The following TUT4 variants were observed in gnomAD, a reference collection of about 807,000 sequenced individuals.
TUT4 encodes terminal uridylyltransferase 4.
In TUT4, 36 loss-of-function variants were observed where a neutral mutation model predicts 192.2. The observed-to-expected ratio is 0.19, with a 90% CI of 0.14 to 0.25. The LOEUF (loss-of-function observed/expected upper bound fraction) is 0.25. TUT4 is among the 10% of genes least tolerant of loss of function. TUT4 has a pLI of 1.00. For missense variants in TUT4, 1,493 were observed against 1,957.2 expected (o/e 0.76, Z 4.47); for synonymous variants, 618 against 666.0 (o/e 0.93, Z 1.11).
intron 9 of TUT4, among the ~76,000 whole-genome samples, chr1:52,482,356 A>G (rs1668694880): frequency 6.6e-6 from 1 of 152,194 alleles, no homozygotes; most frequent in Non-Finnish European, 1.5e-5. Context: ...CCAAAATAGT[A>G]TATTATAGAC....
intron 12 of TUT4, among the ~76,000 whole-genome samples, chr1:52,476,875 CA>C (rs1213077591): frequency 6.6e-6 from 1 of 152,134 alleles, no homozygotes; most frequent in African/African-American, 2.4e-5. Flanking sequence ...TTCTTATCTA[CA>C]AAAGGTAAGT....
At chr1:52,446,878 G>A (rs751841106) in intron 20 of TUT4, among the ~76,000 whole-genome samples, 11 of 152,110 alleles carry the variant, frequency 7.2e-5, no homozygotes, top group Non-Finnish European at 1.3e-4. Flanking sequence ...TGTCTTTTAA[G>A]AGCATTAAAC....
chr1:52,495,909 T>C (rs571806381), intron 5 of TUT4, among the ~76,000 whole-genome samples: 1 of 152,108 alleles, frequency 6.6e-6, no homozygotes, highest in Admixed American at 6.5e-5. Flanking sequence ...GGGGAAAGGA[T>C]CATAAACATT....
intron 4 of TUT4, among the ~76,000 whole-genome samples, chr1:52,497,543 A>G (rs147254441): frequency 6.6e-6 from 1 of 152,360 alleles, no homozygotes; most frequent in African/African-American, 2.4e-5. Flanking sequence ...AAAAGTCTTG[A>G]ATCCTATCTA....
intron 2 of TUT4, among the ~76,000 whole-genome samples, chr1:52,520,166 T>G (rs1353991320): frequency 6.6e-6 from 1 of 152,144 alleles, no homozygotes; most frequent in Non-Finnish European, 1.5e-5. Flanking sequence ...ACTATGCGGA[T>G]GGAGCAGAGA....
rs191481994 is a variant in TUT4 at position 52,534,550 on chromosome 1, A to T, written c.-93-8177T>A. On this transcript the variant is annotated intron_variant, in intron 1 of 29. Coordinates refer to ENST00000257177, the MANE Select transcript of TUT4 (RefSeq NM_001009881.3). The stretch of plus-strand genomic sequence containing the variant: ...TTGTATCTTCACACCTCATTTAGTT[A>T]GGTATAAAATTCTAGGTTAGGGCCA... Among the ~76,000 whole-genome samples, 14 of 152,148 alleles carry T rather than the reference A, an allele frequency of 9.2e-5. No homozygotes were observed. In the East Asian group the frequency reaches 2.5e-3, roughly 27 times the overall value.
At chr1:52,465,731 C>T (rs951263362) in intron 15 of TUT4, among the ~76,000 whole-genome samples, 8 of 152,158 alleles carry the variant, frequency 5.3e-5, no homozygotes, top group African/African-American at 1.7e-4. Context: ...CCTTAGTATA[C>T]GATGCTCTTC....
At chr1:52,502,917 C>G (rs1411848798) in intron 4 of TUT4, among the ~76,000 whole-genome samples, 1 of 152,162 alleles carries the variant, frequency 6.6e-6, no homozygotes, top group Admixed American at 6.5e-5. Context: ...AGCCACCAAG[C>G]CTGGCACATT....
chr1:52,552,458 G>GT (rs1689714265), intron 1 of TUT4, among the ~76,000 whole-genome samples: 2 of 152,188 alleles, frequency 1.3e-5, no homozygotes, highest in African/African-American at 4.8e-5. Context: ...GAAACATTCA[G>GT]TATGTATTAT....
Position 52,446,092 on chromosome 1 carries a change from A to G in TUT4, c.3692-88T>C, listed in dbSNP as rs774752717. The G allele has an allele frequency of 7.5e-5, 101 of 1,344,478 alleles. 1 individual carries two copies. The South Asian group carries it at 1.3e-3, about 17-fold the overall frequency. 83.3% of individuals were successfully genotyped at this position (1,344,478 alleles called of 1,614,324 possible). On this transcript the variant is annotated intron_variant, in intron 22 of 29. Coordinates refer to ENST00000257177, the MANE Select transcript of TUT4 (RefSeq NM_001009881.3). ...AAGTCACCGCTGAAGTCTAATACTT[A>G]TATGTACTCAGACTATACAAATCAG...
intron 24 of TUT4, among the ~76,000 whole-genome samples, chr1:52,443,779 A>G (rs1296174998): frequency 1.3e-5 from 2 of 151,866 alleles, no homozygotes; most frequent in Non-Finnish European, 2.9e-5. Context: ...ACAAAAATAA[A>G]CAAAAAGGTC....
chr1:52,458,414 T>C lies in TUT4; in HGVS notation c.3357A>G (p.Leu1119=), dbSNP rs139195152. Residue 1119 remains leucine (L), a synonymous_variant, in exon 20 of 30, where the codon TTA becomes TTG. Transcript: ENST00000257177. ...CCATAAGGATATATGCATATGAAGATAAACTTCCCCTGGAAGCATCCCCAA... is the reference window on the plus strand; with the variant it reads ...CCATAAGGATATATGCATATGAAGACAAACTTCCCCTGGAAGCATCCCCAA... The part of the protein sequence containing the change: ...CDIGDASRGS[L]SSYAYILMVL... The C allele has an allele frequency of 2.5e-4, 400 of 1,613,606 alleles. No individual in the cohort carries two copies. The African/African-American group carries it at 4.8e-3, about 19-fold the overall frequency.
chr1:52,469,464 T>C (rs1007226205), intron 14 of TUT4, among the ~76,000 whole-genome samples: 3 of 152,148 alleles, frequency 2.0e-5, no homozygotes, highest in African/African-American at 7.2e-5. Context: ...AATGGAACAA[T>C]TTAAAAAATG....
chr1:52,526,724 A>T (rs1681862684), intron 1 of TUT4, among the ~76,000 whole-genome samples: 2 of 152,196 alleles, frequency 1.3e-5, no homozygotes, highest in African/African-American at 4.8e-5. Context: ...AATAAAGAAA[A>T]CACAAGAATT....
chr1:52,468,082 ACTT>A, intron 15 of TUT4, 96 bp downstream of exon 15: 1 of 871,694 alleles, frequency 1.1e-6, no homozygotes, highest in Non-Finnish European at 1.8e-6. Context: ...CTAGAACAGT[ACTT>A]AACACATAGC....
chr1:52,486,752 T>C (rs972194687), intron 9 of TUT4, among the ~76,000 whole-genome samples: 3 of 152,246 alleles, frequency 2.0e-5, no homozygotes, highest in African/African-American at 4.8e-5. Flanking sequence ...TCAGTGTCCA[T>C]TGACTGGCAT....
chr1:52,478,969 A>T (rs1409891295), intron 11 of TUT4, among the ~76,000 whole-genome samples: 1 of 152,214 alleles, frequency 6.6e-6, no homozygotes, highest in African/African-American at 2.4e-5. Flanking sequence ...TAAATTACAT[A>T]GTAACTTAAA....
At chr1:52,534,966 T>C (rs1684507258) in intron 1 of TUT4, 1 of 152,240 alleles carries the variant, frequency 6.6e-6, no homozygotes, top group Admixed American at 6.5e-5. Context: ...GCCATTCTTA[T>C]TCTTTACCTT....
rs1661551096 is a variant in TUT4 at position 52,458,322 on chromosome 1, T to G, written c.3435+14A>C. The stretch of plus-strand genomic sequence containing the variant: ...TTCAAAAAAAACTCCTTTATAGTTT[T>G]CTTAAACACCTACCTCTTGTAGAAC... On this transcript the variant is annotated intron_variant, in intron 20 of 29. Transcript: ENST00000257177. 6.2e-7 allele frequency: 1 copy of G among 1,601,530 alleles called. No individual in the cohort carries two copies. The highest frequency in any genetic ancestry group is 8.5e-7 in the Non-Finnish European group (1 of 1,172,586).
Sources: allele counts gnomAD v4.1 joint callset (sites outside exome capture counted in the v4.1 genomes callset), GRCh38; gene constraint gnomAD v4.1.1; transcripts MANE v1.5; gene names NCBI Gene and HGNC (gene_info 2026-07-23, HGNC 2026-07-21).